Variants in CACNA2D3 observed in about 807,000 individuals in gnomAD.
The protein encoded by CACNA2D3 is voltage-dependent calcium channel subunit alpha-2/delta-3.
Under a neutral mutation model 160.6 loss-of-function variants are expected in CACNA2D3, and 60 were observed. The ratio of observed to expected loss-of-function variants is 0.37; its 90% CI spans 0.30 to 0.46. The LOEUF is 0.46. CACNA2D3 is among the 20% of genes least tolerant of loss of function. The pLI, the probability that CACNA2D3 is intolerant of heterozygous loss-of-function variation, is 1.00. For synonymous variants in CACNA2D3, 558 were observed against 492.9 expected (o/e 1.13, Z -1.75); for missense variants, 1,205 against 1,365.0 (o/e 0.88, Z 1.85).
intron 34 of CACNA2D3, among the ~76,000 whole-genome samples, chr3:55,010,411 TAAAA>T (rs1703182895): frequency 1.3e-5 from 2 of 152,104 alleles, no homozygotes; most frequent in South Asian, 4.2e-4. Flanking sequence ...AATAAATAAA[TAAAA>T]GAAAGAGTAT....
intron 11 of CACNA2D3, among the ~76,000 whole-genome samples, chr3:54,674,309 T>C (rs979989718): frequency 5.3e-5 from 8 of 152,056 alleles, no homozygotes; most frequent in African/African-American, 1.7e-4. Context: ...ATTCATTCAT[T>C]CATTCATCCA....
At chr3:55,023,854 GT>G (rs1703509583) in intron 35 of CACNA2D3, among the ~76,000 whole-genome samples, 1 of 151,102 alleles carries the variant, frequency 6.6e-6, no homozygotes, top group Non-Finnish European at 1.5e-5. Flanking sequence ...GGCAATATTG[GT>G]TTTCCTATTC....
At chr3:54,135,601 T>C (rs1007073517) in intron 2 of CACNA2D3, among the ~76,000 whole-genome samples, 2 of 152,220 alleles carry the variant, frequency 1.3e-5, no homozygotes, top group African/African-American at 4.8e-5. Flanking sequence ...TATTGTGTTG[T>C]GAGGCTTTTG....
At chr3:54,924,619 C>A (rs758377265) in intron 27 of CACNA2D3, 2 of 1,612,398 alleles carry the variant, frequency 1.2e-6, no homozygotes, top group Non-Finnish European at 1.7e-6. Context: ...CATGACTGAC[C>A]TTTATAGACA....
intron 2 of CACNA2D3, among the ~76,000 whole-genome samples, chr3:54,245,443 C>G (rs79848109): frequency 0.035 from 5,284 of 152,050 alleles, 181 homozygotes; most frequent in Admixed American, 0.087. Context: ...AGTCCTGGCT[C>G]TCATGGTGGC....
At chr3:55,059,412 T>A (rs1310271407) in intron 35 of CACNA2D3, among the ~76,000 whole-genome samples, 1 of 152,212 alleles carries the variant, frequency 6.6e-6, no homozygotes, top group African/African-American at 2.4e-5. Context: ...AGGAGAGTTA[T>A]CTGACCCCCC....
intron 5 of CACNA2D3, among the ~76,000 whole-genome samples, chr3:54,516,090 G>C (rs983068338): frequency 6.6e-6 from 1 of 152,210 alleles, no homozygotes; most frequent in Non-Finnish European, 1.5e-5. Flanking sequence ...TGGGCCAGGG[G>C]TTCCTTGTAG....
chr3:55,007,407 C>G (rs1346041350), intron 32 of CACNA2D3, among the ~76,000 whole-genome samples: 1 of 152,184 alleles, frequency 6.6e-6, no homozygotes, highest in African/African-American at 2.4e-5. Flanking sequence ...TTCCAAGAGG[C>G]TGCCCTGTAA....
intron 5 of CACNA2D3, among the ~76,000 whole-genome samples, chr3:54,551,906 G>T (rs908160938): frequency 6.6e-6 from 1 of 152,200 alleles, no homozygotes; most frequent in African/African-American, 2.4e-5. Context: ...GGGTTCCTCA[G>T]CATTTTGTTA....
chr3:54,680,421 A>G (rs1037064083), intron 11 of CACNA2D3, among the ~76,000 whole-genome samples: 2 of 152,140 alleles, frequency 1.3e-5, no homozygotes, highest in African/African-American at 4.8e-5. Context: ...TTGAATTTTT[A>G]TGTAGCTTTC....
chr3:54,671,950 A>G (rs770946494), intron 11 of CACNA2D3, among the ~76,000 whole-genome samples: 1 of 152,222 alleles, frequency 6.6e-6, no homozygotes, highest in Non-Finnish European at 1.5e-5. Flanking sequence ...CAATGTGTTG[A>G]CTGAGATGAC....
At chr3:54,780,678 A>G (rs952729221) in intron 13 of CACNA2D3, among the ~76,000 whole-genome samples, 1 of 152,190 alleles carries the variant, frequency 6.6e-6, no homozygotes, top group Non-Finnish European at 1.5e-5. Context: ...GGCCAAGCTA[A>G]TTGCTCTGGG....
intron 3 of CACNA2D3, among the ~76,000 whole-genome samples, chr3:54,373,544 A>G (rs1698961254): frequency 1.3e-5 from 2 of 152,242 alleles, no homozygotes; most frequent in African/African-American, 4.8e-5. Context: ...CAAATTAAGG[A>G]TACAGTAGAA....
At chr3:54,153,644 C>T (rs1171294901) in intron 2 of CACNA2D3, among the ~76,000 whole-genome samples, 2 of 152,170 alleles carry the variant, frequency 1.3e-5, no homozygotes, top group African/African-American at 2.4e-5. Flanking sequence ...TATGGCCCAT[C>T]TCATGAACTT....
At chr3:54,500,466 C>T (rs538073012) in intron 4 of CACNA2D3, among the ~76,000 whole-genome samples, 14 of 123,310 alleles carry the variant, frequency 1.1e-4, no homozygotes, top group African/African-American at 3.7e-4. Flanking sequence ...ACCCCAGGTC[C>T]GTCCATCTTC....
chr3:54,317,064 G>A (rs1371221021), intron 2 of CACNA2D3, among the ~76,000 whole-genome samples: 1 of 152,142 alleles, frequency 6.6e-6, no homozygotes, highest in Non-Finnish European at 1.5e-5. Context: ...TATTTTTGGT[G>A]GTAAATCAGC....
chr3:54,595,317 T>TGTGTGTGG (rs61543521), intron 9 of CACNA2D3, among the ~76,000 whole-genome samples: 1,234 of 115,094 alleles, frequency 0.011, 23 homozygotes, highest in African/African-American at 0.047. Context: ...GTGTGTGGTG[T>TGTGTGTGG]GTGTGTGTGT....
At chr3:54,174,747 G>C (rs1186990530) in intron 2 of CACNA2D3, among the ~76,000 whole-genome samples, 1 of 152,120 alleles carries the variant, frequency 6.6e-6, no homozygotes, top group Non-Finnish European at 1.5e-5. Flanking sequence ...GGATGGTTTC[G>C]ATCTCCTGAC....
intron 11 of CACNA2D3, among the ~76,000 whole-genome samples, chr3:54,692,653 C>T (rs1331199698): frequency 1.3e-5 from 2 of 152,194 alleles, no homozygotes; most frequent in Admixed American, 1.3e-4. Flanking sequence ...AGCCTCAGCT[C>T]TCTGGACACA....
Sources: gnomAD v4.1 joint callset for allele counts (sites outside exome capture counted in the v4.1 genomes callset) on GRCh38, gnomAD v4.1.1 for gene constraint, MANE v1.5 for transcripts, NCBI Gene and HGNC (gene_info 2026-07-23, HGNC 2026-07-21) for gene names.